TAB2: variants seen among roughly 807,000 people sequenced by gnomAD.
The protein encoded by TAB2 is TGF-beta activated kinase 1 (MAP3K7) binding protein 2.
TAB2 carries 3 observed loss-of-function variants against 65.0 expected under a neutral mutation model. The observed-to-expected ratio is 0.05, with a 90% CI of 0.02 to 0.12. The LOEUF is 0.12. Ranked by LOEUF, TAB2 falls within the 10% of genes least tolerant of loss-of-function variation. TAB2 has a pLI of 1.00. For synonymous variants in TAB2, 298 were observed against 285.1 expected (o/e 1.05, Z -0.46); for missense variants, 623 against 840.3 (o/e 0.74, Z 3.20).
intron 1 of TAB2, chr6:149,247,636 C>T (rs1301795764): frequency 6.6e-6 from 1 of 152,194 alleles, no homozygotes; most frequent in African/African-American, 2.4e-5. Flanking sequence ...CATAACTGCC[C>T]CTATGGGGTT....
intron 1 of TAB2, among the ~76,000 whole-genome samples, chr6:149,291,125 T>C (rs1038343443): frequency 6.6e-6 from 1 of 152,198 alleles, no homozygotes; most frequent in African/African-American, 2.4e-5. Context: ...AAGCCCTGAG[T>C]TCCTGCTTTA....
intron 1 of TAB2, among the ~76,000 whole-genome samples, chr6:149,343,256 C>G (rs1780186003): frequency 6.6e-6 from 1 of 152,086 alleles, no homozygotes; most frequent in Non-Finnish European, 1.5e-5. Flanking sequence ...CTACTAATGC[C>G]TTTACCTAAA....
At chr6:149,396,113 G>A (rs551362486) in intron 3 of TAB2, among the ~76,000 whole-genome samples, 1 of 152,084 alleles carries the variant, frequency 6.6e-6, no homozygotes, top group Non-Finnish European at 1.5e-5. Flanking sequence ...TGCCTCCCGG[G>A]TTCAAGCAAT....
intron 1 of TAB2, among the ~76,000 whole-genome samples, chr6:149,267,424 G>C (rs1778283551): frequency 6.6e-6 from 1 of 152,176 alleles, no homozygotes; most frequent in Non-Finnish European, 1.5e-5. Context: ...GGGTGATTTG[G>C]AGCTGAGGAA....
chr6:149,399,217 C>A (rs1443818688), intron 6 of TAB2, 33 bp downstream of exon 6: 14 of 1,598,712 alleles, frequency 8.8e-6, no homozygotes, highest in Non-Finnish European at 1.2e-5. Flanking sequence ...AAAACTGTTA[C>A]TTTTGAAAAG....
intron 1 of TAB2, among the ~76,000 whole-genome samples, chr6:149,365,482 C>T (rs568833718): frequency 2.0e-5 from 3 of 152,172 alleles, no homozygotes; most frequent in East Asian, 3.9e-4. Flanking sequence ...TCTTCTGATG[C>T]CTCCATTGTT....
intron 1 of TAB2, among the ~76,000 whole-genome samples, chr6:149,268,247 C>A (rs527920161): frequency 6.6e-6 from 1 of 152,298 alleles, no homozygotes; most frequent in Middle Eastern, 3.4e-3. Flanking sequence ...CTTAGCTCCG[C>A]ATCACGGTCC....
chr6:149,386,450 A>G (rs1022743534), intron 3 of TAB2, among the ~76,000 whole-genome samples: 2 of 141,032 alleles, frequency 1.4e-5, no homozygotes, highest in African/African-American at 5.2e-5. Context: ...TCCCTATCCC[A>G]TTACCCCCCA....
intron 1 of TAB2, among the ~76,000 whole-genome samples, chr6:149,256,621 G>C (rs1001728410): frequency 6.6e-6 from 1 of 152,066 alleles, no homozygotes; most frequent in Non-Finnish European, 1.5e-5. Flanking sequence ...TTTTTAATAT[G>C]TTTATTGCAC....
At chr6:149,233,384 T>C (rs564877430) in intron 1 of TAB2, among the ~76,000 whole-genome samples, 22 of 152,246 alleles carry the variant, frequency 1.4e-4, no homozygotes, top group African/African-American at 5.1e-4. Flanking sequence ...AGCAGCAAAC[T>C]AAACCTCCTT....
chr6:149,331,773 A>G (rs1251539312), intron 1 of TAB2, among the ~76,000 whole-genome samples: 1 of 152,302 alleles, frequency 6.6e-6, no homozygotes, highest in East Asian at 1.9e-4. Flanking sequence ...TTTTTTCTAC[A>G]TCAATTGATA....
chr6:149,383,124 C>A (rs1781672785), intron 3 of TAB2, among the ~76,000 whole-genome samples: 1 of 151,694 alleles, frequency 6.6e-6, no homozygotes, highest in South Asian at 2.1e-4. Context: ...CACTGCACTT[C>A]AGCCTGGCAA....
intron 6 of TAB2, chr6:149,400,389 A>G (rs1782336302): frequency 6.2e-7 from 1 of 1,613,882 alleles, no homozygotes; most frequent in Non-Finnish European, 8.5e-7. Context: ...TCCGGTGTTC[A>G]CCATGGCCAA....
rs1778503160 is a variant in TAB2, at chr6:149,277,780, T to C, written c.-121+59004T>C. Among the ~76,000 whole-genome samples, 4 of 152,196 alleles carry C rather than the reference T, an allele frequency of 2.6e-5. 1 individual carries two copies. Among genetic ancestry groups the C allele is most frequent in the Non-Finnish European group, 5.9e-5 (4 of 68,008 alleles). Reference sequence around the variant, plus strand: ...CATAAATGTACTACCATATAGTATCTATTAGTCATTACATTTTCTATTTCC... The same window carrying C: ...CATAAATGTACTACCATATAGTATCCATTAGTCATTACATTTTCTATTTCC... On this transcript the variant is annotated intron_variant, in intron 1 of 1. Transcript: ENST00000606202.
chr6:149,272,914 A>T (rs1430796045), intron 1 of TAB2, among the ~76,000 whole-genome samples: 1 of 152,150 alleles, frequency 6.6e-6, no homozygotes, highest in African/African-American at 2.4e-5. Flanking sequence ...CATGAGTCCT[A>T]TTGTGAACTG....
At chr6:149,275,121 TTC>T (rs1554255775) in intron 1 of TAB2, among the ~76,000 whole-genome samples, 7 of 85,946 alleles carry the variant, frequency 8.1e-5, no homozygotes, top group African/African-American at 2.9e-4. Context: ...TTTTCTCTTC[TTC>T]TGTTTTTTTT....
chr6:149,218,467 C>G (rs1246372542), upstream of TAB2, among the ~76,000 whole-genome samples: 1 of 152,174 alleles, frequency 6.6e-6, no homozygotes, highest in African/African-American at 2.4e-5. Context: ...AGAAGAGTGG[C>G]ATTAAGCCTG....
At chr6:149,275,287 A>C (rs1470915940) in intron 1 of TAB2, among the ~76,000 whole-genome samples, 1 of 148,574 alleles carries the variant, frequency 6.7e-6, no homozygotes, top group Non-Finnish European at 1.5e-5. Flanking sequence ...AAAGAAAGAA[A>C]GAAAGAAAGA....
intron 1 of TAB2, among the ~76,000 whole-genome samples, chr6:149,223,177 A>G (rs1478325085): frequency 1.3e-5 from 2 of 152,252 alleles, no homozygotes; most frequent in African/African-American, 4.8e-5. Flanking sequence ...GTTTCTTCAC[A>G]AAAAGCTTTT....
Sources: gnomAD v4.1 joint callset for allele counts (sites outside exome capture counted in the v4.1 genomes callset) on GRCh38, gnomAD v4.1.1 for gene constraint, MANE v1.5 for transcripts, NCBI Gene and HGNC (gene_info 2026-07-23, HGNC 2026-07-21) for gene names.